Variants in KSR2 observed in about 807,000 individuals in gnomAD.
The protein encoded by KSR2 is kinase suppressor of ras 2.
A neutral mutation model predicts 107.8 loss-of-function variants in KSR2; 25 were observed. The ratio of observed to expected loss-of-function variants is 0.23; its 90% CI spans 0.17 to 0.32. The LOEUF (loss-of-function observed/expected upper bound fraction) is 0.32. Among genes scored for constraint, KSR2 ranks in the 10% least tolerant of loss-of-function variants. KSR2 has a pLI of 1.00. For synonymous variants in KSR2, 480 were observed against 507.0 expected, an observed-to-expected ratio of 0.95 and a Z score of 0.71; for missense variants, 887 against 1,268.9, an observed-to-expected ratio of 0.70 and a Z score of 4.57.
intron 4 of KSR2, among the ~76,000 whole-genome samples, chr12:117,694,768 C>T (rs1885977783): frequency 6.6e-6 from 1 of 151,738 alleles, no homozygotes; most frequent in African/African-American, 2.4e-5. Context: ...CTGACACATG[C>T]TCCAACATGA....
chr12:117,966,911 C>T (rs1896815794), intron 1 of KSR2, among the ~76,000 whole-genome samples: 3 of 152,198 alleles, frequency 2.0e-5, no homozygotes, highest in African/African-American at 7.2e-5. Context: ...CGTCTCAGTA[C>T]TGCTCATGCC....
chr12:117,898,435 T>C (rs1372101430), intron 1 of KSR2, among the ~76,000 whole-genome samples: 1 of 151,898 alleles, frequency 6.6e-6, no homozygotes, highest in Non-Finnish European at 1.5e-5. Context: ...TTTTCCTGCC[T>C]CAGCCTCCCG....
At chr12:117,612,356 A>G (rs557243491) in intron 5 of KSR2, among the ~76,000 whole-genome samples, 62 of 151,750 alleles carry the variant, frequency 4.1e-4, no homozygotes, top group African/African-American at 1.5e-3. Context: ...GTGAGCCGAG[A>G]TCGCACCACT....
chr12:117,921,543 C>T (rs1895348621), intron 1 of KSR2, among the ~76,000 whole-genome samples: 1 of 152,114 alleles, frequency 6.6e-6, no homozygotes, highest in Non-Finnish European at 1.5e-5. Flanking sequence ...GCAGTTAACA[C>T]ACAGGCTTTG....
intron 1 of KSR2, among the ~76,000 whole-genome samples, chr12:117,924,174 G>A (rs142232465): frequency 1.6e-3 from 236 of 151,508 alleles, no homozygotes; most frequent in African/African-American, 5.4e-3. Flanking sequence ...CACTGCGCCC[G>A]GCCTATATTT....
intron 1 of KSR2, among the ~76,000 whole-genome samples, chr12:117,950,205 A>C (rs61945417): frequency 0.12 from 18,901 of 151,888 alleles, 1,275 homozygotes; most frequent in Admixed American, 0.17. Flanking sequence ...AACTCCTGAG[A>C]TCAGGCAATC....
At chr12:117,935,243 TC>T (rs1895805724) in intron 1 of KSR2, among the ~76,000 whole-genome samples, 1 of 151,786 alleles carries the variant, frequency 6.6e-6, no homozygotes, top group South Asian at 2.1e-4. Flanking sequence ...CGAGCAATCC[TC>T]CCTCCTCAGC....
rs575809887 is a variant in KSR2 at position 117,735,102 on chromosome 12, T to G, written c.986+25909A>C. On this transcript the variant is annotated intron_variant, in intron 4 of 19. Transcript: ENST00000339824. ...TGGCCCCCATTATCCTAAATCAAAG[T>G]GCCAGGCACCCGCCCTCTCTGACTC... 1.5e-3 allele frequency among the ~76,000 whole-genome samples: 234 copies of G among 152,250 alleles called. 1 individual carries two copies. The highest frequency in any genetic ancestry group is 5.5e-3 in the African/African-American group (230 of 41,534).
intron 3 of KSR2, among the ~76,000 whole-genome samples, chr12:117,774,177 G>A (rs1004455865): frequency 3.3e-5 from 5 of 152,026 alleles, no homozygotes; most frequent in Non-Finnish European, 5.9e-5. Context: ...CAGCACCTGG[G>A]GCAGCTCCTT....
chr12:117,535,604 T>TTGTGTGTG lies in KSR2; in HGVS notation c.1688-3905_1688-3898dup, dbSNP rs5801239. ...CATTAGAATTCACCATTTCCTGGAG[T>TTGTGTGTG]TGTGTGTGTGTGTGTGTGTGTGTGT... On this transcript the variant is annotated intron_variant, in intron 10 of 19. Transcript: ENST00000339824. Among the ~76,000 whole-genome samples, 636 of 142,316 alleles carry TTGTGTGTG rather than the reference T, an allele frequency of 4.5e-3. 6 individuals are homozygous for TTGTGTGTG. The highest frequency in any genetic ancestry group is 0.014 in the African/African-American group (512 of 37,450). The allele number at this position is 142,316 out of a possible 152,430, so 93.4% of individuals were successfully genotyped here.
intron 16 of KSR2, among the ~76,000 whole-genome samples, chr12:117,481,265 GA>G (rs1872159245): frequency 6.6e-6 from 1 of 152,070 alleles, no homozygotes; most frequent in African/African-American, 2.4e-5. Flanking sequence ...ATTATAGACT[GA>G]ATTTTGCCTC....
intron 14 of KSR2, among the ~76,000 whole-genome samples, chr12:117,486,073 A>G (rs560422654): frequency 6.6e-6 from 1 of 152,310 alleles, no homozygotes; most frequent in South Asian, 2.1e-4. Context: ...CACCAGCTGC[A>G]TGCACTTACC....
intron 19 of KSR2, chr12:117,467,906 A>G (rs1338702703): frequency 4.3e-6 from 1 of 234,114 alleles, no homozygotes; most frequent in Non-Finnish European, 7.4e-6. Flanking sequence ...ATTCTGCTAG[A>G]CCACAGTCCT....
At chr12:117,716,428 A>T (rs1445121926) in intron 4 of KSR2, among the ~76,000 whole-genome samples, 1 of 152,242 alleles carries the variant, frequency 6.6e-6, no homozygotes, top group Non-Finnish European at 1.5e-5. Flanking sequence ...GATGTACTCT[A>T]AGTATACAAT....
rs1406922730 is a variant in KSR2, at chr12:117,842,924, G to C, written c.472+12504C>G. On this transcript the variant is annotated intron_variant, in intron 3 of 19. Transcript: ENST00000339824. The surrounding 1 kb of genome is among the most constrained non-coding windows in gnomAD (Gnocchi z 4.2). ...ACATCCTGCCCCTCCCTCCACCCCT[G>C]CCTTAGTGGGGACCAGTCAGTGGCT... 6.6e-6 allele frequency among the ~76,000 whole-genome samples: 1 copy of C among 152,176 alleles called. No homozygotes were observed. Among genetic ancestry groups the C allele is most frequent in the African/African-American group, 2.4e-5 (1 of 41,436 alleles).
chr12:117,529,845 T>TA (rs1193873707), intron 12 of KSR2, among the ~76,000 whole-genome samples: 1 of 149,470 alleles, frequency 6.7e-6, no homozygotes, highest in Non-Finnish European at 1.5e-5. Flanking sequence ...TCTACAAAAA[T>TA]AAAAAATTAA....
At chr12:117,622,100 G>A (rs1462706701) in intron 5 of KSR2, among the ~76,000 whole-genome samples, 1 of 152,034 alleles carries the variant, frequency 6.6e-6, no homozygotes, top group Non-Finnish European at 1.5e-5. Flanking sequence ...AACTCTTGAT[G>A]GGGCAGTTGA....
chr12:117,707,677 C>T (rs759312774), intron 4 of KSR2, among the ~76,000 whole-genome samples: 14 of 152,138 alleles, frequency 9.2e-5, no homozygotes, highest in South Asian at 2.1e-4. Flanking sequence ...GCGCACACTC[C>T]GGCCTTGAGA....
intron 4 of KSR2, among the ~76,000 whole-genome samples, chr12:117,703,210 CA>C (rs1193413560): frequency 6.6e-6 from 1 of 152,104 alleles, no homozygotes; most frequent in Non-Finnish European, 1.5e-5. Context: ...AGATCTTAGG[CA>C]AATTATTTCA....
Sources: gnomAD v4.1 joint callset for allele counts (sites outside exome capture counted in the v4.1 genomes callset) on GRCh38, gnomAD v4.1.1 for gene constraint, Gnocchi (gnomAD v3.1) non-coding constraint, MANE v1.5 for transcripts, NCBI Gene and HGNC (gene_info 2026-07-23, HGNC 2026-07-21) for gene names.